Variants in CTNNA2 observed in about 807,000 individuals in gnomAD.
The protein encoded by CTNNA2 is catenin alpha-2.
Under a neutral mutation model 101.0 loss-of-function variants are expected in CTNNA2, and 42 were observed. The observed-to-expected ratio is 0.42, with a 90% CI of 0.32 to 0.54. CTNNA2 has a LOEUF of 0.54. Ranked by LOEUF, CTNNA2 falls within the 20% of genes least tolerant of loss-of-function variation. The probability of loss-of-function intolerance (pLI) is 0.14; values close to 1 mark genes in which losing one functional copy is unlikely to be tolerated. For synonymous variants in CTNNA2, 450 were observed against 456.4 expected (o/e 0.99, Z 0.18); for missense variants, 871 against 1,223.1 (o/e 0.71, Z 4.29).
At chr2:79,715,205 CAAAAAAAAAA>C (rs140432724) in intron 2 of CTNNA2, among the ~76,000 whole-genome samples, 5 of 66,314 alleles carry the variant, frequency 7.5e-5, no homozygotes, top group South Asian at 5.8e-4. Context: ...AAAATTCCGT[CAAAAAAAAAA>C]AAAAAAAAAA....
intron 9 of CTNNA2, among the ~76,000 whole-genome samples, chr2:80,543,836 CA>C (rs1691794272): frequency 6.6e-6 from 1 of 152,100 alleles, no homozygotes; most frequent in African/African-American, 2.4e-5. Context: ...AGCAGGATAC[CA>C]AAAAGGCAGG....
At chr2:79,256,710 TGAGTCAGCACTCTG>T (rs1186161936) in intron 2 of CTNNA2, among the ~76,000 whole-genome samples, 1 of 152,210 alleles carries the variant, frequency 6.6e-6, no homozygotes, top group Non-Finnish European at 1.5e-5. Context: ...CAATGTCCCG[TGAGTCAGCACTCTG>T]GATTCTGTAA....
intron 3 of CTNNA2, among the ~76,000 whole-genome samples, chr2:79,347,125 A>AT (rs1214959209): frequency 6.6e-6 from 1 of 152,204 alleles, no homozygotes; most frequent in Non-Finnish European, 1.5e-5. Flanking sequence ...ATTAATGAAT[A>AT]TTTTTTGAAA....
chr2:79,755,443 T>A (rs561196855), intron 3 of CTNNA2, among the ~76,000 whole-genome samples: 1 of 152,212 alleles, frequency 6.6e-6, no homozygotes, highest in South Asian at 2.1e-4. Flanking sequence ...GAGCTAGAGA[T>A]CTGATGGTGC....
chr2:79,322,723 G>A (rs1676653851), intron 3 of CTNNA2, among the ~76,000 whole-genome samples: 1 of 152,076 alleles, frequency 6.6e-6, no homozygotes, highest in Admixed American at 6.6e-5. Flanking sequence ...AGGTTGGGAG[G>A]GAAGACACAT....
chr2:79,580,434 C>T (rs1307192948), intron 1 of CTNNA2, among the ~76,000 whole-genome samples: 1 of 152,170 alleles, frequency 6.6e-6, no homozygotes, highest in Middle Eastern at 3.2e-3. Context: ...AGTCCTACAA[C>T]TTCAAGGAAC....
chr2:79,888,181 T>A (rs1226602632), intron 6 of CTNNA2, among the ~76,000 whole-genome samples: 1 of 152,204 alleles, frequency 6.6e-6, no homozygotes, highest in East Asian at 1.9e-4. Flanking sequence ...TAAAGATAGA[T>A]GCAATACATG....
intron 9 of CTNNA2, among the ~76,000 whole-genome samples, chr2:80,484,338 C>T (rs1035120397): frequency 2.6e-5 from 4 of 151,892 alleles, no homozygotes; most frequent in Admixed American, 1.3e-4. Context: ...GGCATGTACC[C>T]GATACATAGT....
At chr2:80,505,525 C>T (rs1295310711) in intron 9 of CTNNA2, among the ~76,000 whole-genome samples, 2 of 152,214 alleles carry the variant, frequency 1.3e-5, no homozygotes, top group African/African-American at 2.4e-5. Context: ...CCACTTTTCT[C>T]AAAACTGAAA....
In CTNNA2 at chr2:79,541,344, TACAC is replaced by T. The variant is rs1182040802; in HGVS notation, c.-6+28145_-6+28148del. Among the ~76,000 whole-genome samples the T allele has an allele frequency of 3.5e-5, 5 of 142,350 alleles. No individual in the cohort carries two copies. The South Asian group carries it at 8.9e-4, about 25-fold the overall frequency. 93.4% of individuals were successfully genotyped at this position (142,350 alleles called of 152,430 possible). ...CAGATATCCTATATATATATATATA[TACAC>T]ACACACAATGTTTACACATATGTAT... On this transcript the variant is annotated intron_variant, in intron 1 of 18. Transcript: ENST00000402739.
chr2:79,917,710 G>T (rs761748588), intron 7 of CTNNA2, among the ~76,000 whole-genome samples: 4 of 152,176 alleles, frequency 2.6e-5, no homozygotes, highest in Non-Finnish European at 5.9e-5. Flanking sequence ...AATGGATGTT[G>T]TGCAGGGATA....
intron 7 of CTNNA2, among the ~76,000 whole-genome samples, chr2:79,920,923 T>G (rs1316024346): frequency 2.6e-5 from 4 of 151,972 alleles, no homozygotes; most frequent in Admixed American, 2.6e-4. Flanking sequence ...CGGCATGAGC[T>G]CTTAAGGATG....
intron 2 of CTNNA2, among the ~76,000 whole-genome samples, chr2:79,253,126 C>T (rs1172092512): frequency 6.6e-6 from 1 of 152,154 alleles, no homozygotes; most frequent in South Asian, 2.1e-4. Context: ...AATCTGTGAA[C>T]AAAGGTGGCT....
At chr2:79,482,997 T>A (rs1236455683) in intron 4 of CTNNA2, among the ~76,000 whole-genome samples, 1 of 152,204 alleles carries the variant, frequency 6.6e-6, no homozygotes, top group East Asian at 1.9e-4. Context: ...GCACTAACAC[T>A]GGCAAACCTG....
At chr2:79,914,665 A>T (rs1167062653) in intron 7 of CTNNA2, among the ~76,000 whole-genome samples, 2 of 152,186 alleles carry the variant, frequency 1.3e-5, no homozygotes, top group Admixed American at 1.3e-4. Context: ...GATGGCAGAG[A>T]TCCTGGTGGC....
Position 79,292,096 on chromosome 2 carries a change from G to T in CTNNA2, c.-405-20613G>T, listed in dbSNP as rs141496958. On this transcript the variant is annotated intron_variant, in intron 2 of 21. Coordinates refer to the CTNNA2 transcript ENST00000466387. Reference sequence around the variant, plus strand: ...GGAGATCAGATAAAATGTTGGAAAGGTAATTATGTTCTACAGGAGTTCAGC... The same window carrying T: ...GGAGATCAGATAAAATGTTGGAAAGTTAATTATGTTCTACAGGAGTTCAGC... Among the ~76,000 whole-genome samples the T allele has an allele frequency of 4.5e-3, 682 of 152,234 alleles. 5 individuals carry two copies. Among genetic ancestry groups the T allele is most frequent in the African/African-American group, 0.016 (653 of 41,538 alleles).
chr2:79,811,603 AT>A (rs919828209), intron 3 of CTNNA2, among the ~76,000 whole-genome samples: 4 of 152,308 alleles, frequency 2.6e-5, no homozygotes, highest in African/African-American at 9.6e-5. Flanking sequence ...ACCTTTGCCA[AT>A]ACCACACTGT....
intron 3 of CTNNA2, among the ~76,000 whole-genome samples, chr2:79,799,306 T>TC (rs1271936393): frequency 2.0e-5 from 3 of 151,660 alleles, no homozygotes; most frequent in African/African-American, 7.3e-5. Context: ...TCTTTTTTTT[T>TC]AACAGGGATT....
In CTNNA2 at chr2:79,367,650, G is replaced by T. The variant is rs184175639; in HGVS notation, c.-317-6181G>T. Reference sequence around the variant, plus strand: ...AGAACCAACTAGAGGGGAGAAAAGGGCACATCAAGAACTCTTAGATGACTG... The same window carrying T: ...AGAACCAACTAGAGGGGAGAAAAGGTCACATCAAGAACTCTTAGATGACTG... On this transcript the variant is annotated intron_variant, in intron 3 of 21. Transcript: ENST00000466387. 9.9e-5 allele frequency among the ~76,000 whole-genome samples: 15 copies of T among 152,242 alleles called. No homozygotes were observed. The East Asian group carries it at 2.7e-3, about 28-fold the overall frequency.
Sources: allele counts gnomAD v4.1 joint callset (sites outside exome capture counted in the v4.1 genomes callset), GRCh38; gene constraint gnomAD v4.1.1; transcripts MANE v1.5; gene names NCBI Gene and HGNC (gene_info 2026-07-23, HGNC 2026-07-21).